RGS7: variants seen among roughly 807,000 people sequenced by gnomAD.
The protein encoded by RGS7 is regulator of G protein signaling 7.
A neutral mutation model predicts 81.1 loss-of-function variants in RGS7; 27 were observed. The ratio of observed to expected loss-of-function variants is 0.33; its 90% CI spans 0.25 to 0.46. The LOEUF is 0.46. Among genes scored for constraint, RGS7 ranks in the 20% least tolerant of loss-of-function variants. The pLI is 1.00. For missense variants in RGS7, 396 were observed against 607.4 expected (o/e 0.65, Z 3.66); for synonymous variants, 208 against 207.7 (o/e 1.00, Z -0.01).
chr1:240,987,684 C>T (rs550237043), intron 3 of RGS7, among the ~76,000 whole-genome samples: 13 of 148,664 alleles, frequency 8.7e-5, no homozygotes, highest in Admixed American at 4.1e-4. Flanking sequence ...CCACCATGCC[C>T]GGCAATTTTT....
intron 2 of RGS7, among the ~76,000 whole-genome samples, chr1:241,125,840 T>C (rs908784674): frequency 2.0e-5 from 3 of 152,224 alleles, no homozygotes; most frequent in African/African-American, 7.2e-5. Flanking sequence ...CTCGATCTTA[T>C]TTCCTCTTAG....
At chr1:241,111,290 A>C (rs1193199511) in intron 2 of RGS7, among the ~76,000 whole-genome samples, 1 of 152,216 alleles carries the variant, frequency 6.6e-6, no homozygotes, top group Non-Finnish European at 1.5e-5. Context: ...AGCTCAAAAG[A>C]AGCCCCACCA....
chr1:241,135,063 C>T (rs1281717076), intron 2 of RGS7, among the ~76,000 whole-genome samples: 1 of 152,138 alleles, frequency 6.6e-6, no homozygotes, highest in Non-Finnish European at 1.5e-5. Context: ...TATAAAACCC[C>T]TGTCCTGTCC....
At chr1:240,974,693 G>A (rs1683792633) in intron 4 of RGS7, among the ~76,000 whole-genome samples, 1 of 152,200 alleles carries the variant, frequency 6.6e-6, no homozygotes, top group Non-Finnish European at 1.5e-5. Context: ...GCTGAATTAT[G>A]GAAGAAAGGC....
chr1:240,920,637 A>T, intron 6 of RGS7: 3 of 1,109,748 alleles, frequency 2.7e-6, no homozygotes, highest in Non-Finnish European at 4.0e-6. Flanking sequence ...TTAGCGGAAG[A>T]GGAGAGCCAG....
At chr1:240,839,123 G>C (rs931406610) in intron 9 of RGS7, among the ~76,000 whole-genome samples, 10 of 152,278 alleles carry the variant, frequency 6.6e-5, no homozygotes, top group African/African-American at 2.2e-4. Flanking sequence ...AACTCCTAAT[G>C]CCTTTTGAGC....
chr1:241,005,558 T>TG (rs1378318506), intron 3 of RGS7, among the ~76,000 whole-genome samples: 2 of 152,180 alleles, frequency 1.3e-5, no homozygotes, highest in Non-Finnish European at 2.9e-5. Context: ...TTTTTTGAAA[T>TG]GGAGTCTCAC....
intron 2 of RGS7, among the ~76,000 whole-genome samples, chr1:241,231,463 G>T (rs1325787108): frequency 2.6e-5 from 4 of 151,828 alleles, no homozygotes; most frequent in African/African-American, 9.7e-5. Flanking sequence ...AGGAGACAGG[G>T]TTTTGCCATG....
chr1:240,938,209 T>C (rs988236057), intron 4 of RGS7, among the ~76,000 whole-genome samples: 1 of 152,204 alleles, frequency 6.6e-6, no homozygotes, highest in Admixed American at 6.5e-5. Context: ...TGTGGATTTT[T>C]GATCATGGGT....
intron 2 of RGS7, among the ~76,000 whole-genome samples, chr1:241,278,335 A>C (rs2078306637): frequency 6.6e-6 from 1 of 152,198 alleles, no homozygotes; most frequent in African/African-American, 2.4e-5. Flanking sequence ...TGCATTGGGA[A>C]GATTTTTTAG....
At chr1:241,278,834 T>C (rs1005546844) in intron 2 of RGS7, among the ~76,000 whole-genome samples, 11 of 152,238 alleles carry the variant, frequency 7.2e-5, no homozygotes, top group African/African-American at 2.7e-4. Context: ...TGTCCACTCC[T>C]GTTCAGACAC....
At chr1:241,303,931 GA>G (rs2079928234) in intron 2 of RGS7, among the ~76,000 whole-genome samples, 1 of 152,180 alleles carries the variant, frequency 6.6e-6, no homozygotes. Flanking sequence ...CCATCAGAAG[GA>G]ACTGTCATGC....
chr1:240,873,238 C>T (rs747417320), intron 6 of RGS7, among the ~76,000 whole-genome samples: 14 of 152,078 alleles, frequency 9.2e-5, no homozygotes, highest in Non-Finnish European at 1.6e-4. Context: ...AACATAACCC[C>T]GAATATTTCC....
intron 18 of RGS7, among the ~76,000 whole-genome samples, chr1:240,795,209 C>CCACCACCAT (rs1310416191): frequency 6.4e-5 from 1 of 15,524 alleles, no homozygotes; most frequent in African/African-American, 3.1e-4. Context: ...ACAAAAAAAC[C>CCACCACCAT]CACCACCACC....
chr1:241,259,667 A>AATATATATAT (rs59037983), intron 2 of RGS7, among the ~76,000 whole-genome samples: 32 of 49,116 alleles, frequency 6.5e-4, no homozygotes, highest in African/African-American at 1.8e-3. Flanking sequence ...AAAAAAAAAA[A>AATATATATAT]ATATATATAT....
chr1:240,911,275 C>T (rs1671708944), intron 6 of RGS7, among the ~76,000 whole-genome samples: 1 of 152,128 alleles, frequency 6.6e-6, no homozygotes, highest in South Asian at 2.1e-4. Context: ...CTCTTTCTCT[C>T]ATTTCATTGC....
intron 18 of RGS7, among the ~76,000 whole-genome samples, chr1:240,783,728 C>A (rs1684522752): frequency 6.6e-6 from 1 of 151,912 alleles, no homozygotes; most frequent in African/African-American, 2.4e-5. Context: ...TGATGAAGGC[C>A]AGGCTCTTAG....
intron 9 of RGS7, among the ~76,000 whole-genome samples, chr1:240,850,695 G>A (rs1659943175): frequency 6.6e-6 from 1 of 152,192 alleles, no homozygotes; most frequent in Admixed American, 6.5e-5. Context: ...AAACAGCCAA[G>A]TTGTGAATGC....
At chr1:241,160,992 G>C (rs77749664) in intron 2 of RGS7, among the ~76,000 whole-genome samples, 1 of 151,900 alleles carries the variant, frequency 6.6e-6, no homozygotes, top group East Asian at 1.9e-4. Flanking sequence ...TGGGGCAAAA[G>C]TGATAGTTTT....
Sources: gnomAD v4.1 joint callset for allele counts (sites outside exome capture counted in the v4.1 genomes callset) on GRCh38, gnomAD v4.1.1 for gene constraint, MANE v1.5 for transcripts, NCBI Gene and HGNC (gene_info 2026-07-23, HGNC 2026-07-21) for gene names.